The following WWOX variants were observed in gnomAD, a reference collection of about 807,000 sequenced individuals.
WWOX encodes the protein WW domain containing oxidoreductase, also known as WW domain-containing oxidoreductase.
In WWOX, 69 loss-of-function variants were observed where a neutral mutation model predicts 46.2. That is an observed-to-expected ratio of 1.49 (90% CI 1.23 to 1.82). The LOEUF (loss-of-function observed/expected upper bound fraction) is 1.82. WWOX is among the 40% of genes most tolerant of loss of function. The probability of loss-of-function intolerance (pLI) is 0.00; values close to 1 mark genes in which losing one functional copy is unlikely to be tolerated. For missense variants in WWOX, 919 were observed against 542.6 expected, an observed-to-expected ratio of 1.69 and a Z score of -6.89; for synonymous variants, 359 against 202.6, an observed-to-expected ratio of 1.77 and a Z score of -6.56.
intron 5 of WWOX, among the ~76,000 whole-genome samples, chr16:78,204,679 C>A (rs2036336689): frequency 1.3e-5 from 2 of 152,122 alleles, no homozygotes; most frequent in African/African-American, 2.4e-5. Context: ...CATTCTGTTG[C>A]CATCTGCATC....
At chr16:78,452,905 C>T (rs919258125) in intron 8 of WWOX, among the ~76,000 whole-genome samples, 1 of 129,776 alleles carries the variant, frequency 7.7e-6, no homozygotes, top group Non-Finnish European at 1.6e-5. Flanking sequence ...GGGAATCTTA[C>T]TCTGTTGCCC....
At chr16:79,053,994 G>GA (rs35728336) in intron 8 of WWOX, among the ~76,000 whole-genome samples, 72,760 of 149,740 alleles carry the variant, frequency 0.49, 17,707 homozygotes, top group Admixed American at 0.53. Flanking sequence ...AGGAGAGAGG[G>GA]AAAAAAAAAA....
At position 78,883,951 on chromosome 16, in the gene WWOX, T is replaced by C. The variant is rs116336926; in HGVS notation, c.1057-327657T>C. ...ACCATTTTGGAAGACTTGATTTACA[T>C]AGGATCAAATATAAGTATATCTGAT... On this transcript the variant is annotated intron_variant, in intron 8 of 8. Coordinates refer to ENST00000566780, the MANE Select transcript of WWOX (RefSeq NM_016373.4). Among the ~76,000 whole-genome samples the C allele has an allele frequency of 9.4e-3, 1,431 of 152,248 alleles. 19 individuals are homozygous for C. The highest frequency in any genetic ancestry group is 0.033 in the African/African-American group (1,369 of 41,550).
At chr16:78,772,151 C>G (rs2050079768) in intron 8 of WWOX, among the ~76,000 whole-genome samples, 1 of 152,126 alleles carries the variant, frequency 6.6e-6, no homozygotes. Flanking sequence ...AGGTAATAAG[C>G]CTTGTATCCA....
chr16:78,509,353 C>T (rs987916201), intron 8 of WWOX, among the ~76,000 whole-genome samples: 19 of 151,852 alleles, frequency 1.3e-4, no homozygotes, highest in African/African-American at 4.1e-4. Flanking sequence ...GGCAGGAACT[C>T]GCTTGAACCC....
rs1344942768 is a variant in WWOX at position 79,102,558 on chromosome 16, C to G, written c.1057-109050C>G. ...AAACCCTTCTTTGAAGGAAATCATACTTTGAAGCTCAATATATAGCAAACG... is the reference window on the plus strand; with the variant it reads ...AAACCCTTCTTTGAAGGAAATCATAGTTTGAAGCTCAATATATAGCAAACG... On this transcript the variant is annotated intron_variant, in intron 8 of 8. Coordinates refer to ENST00000566780, the MANE Select transcript of WWOX (RefSeq NM_016373.4). 4.6e-5 allele frequency among the ~76,000 whole-genome samples: 7 copies of G among 152,158 alleles called. No homozygotes were observed. In the East Asian group the frequency reaches 1.3e-3, roughly 29 times the overall value.
At chr16:78,271,828 A>G (rs1303013291) in intron 5 of WWOX, among the ~76,000 whole-genome samples, 1 of 152,200 alleles carries the variant, frequency 6.6e-6, no homozygotes, top group Non-Finnish European at 1.5e-5. Context: ...GAGGTAGGGT[A>G]GGACATTTTG....
intron 5 of WWOX, among the ~76,000 whole-genome samples, chr16:78,213,546 A>C (rs776972571): frequency 5.3e-5 from 8 of 151,954 alleles, no homozygotes; most frequent in Non-Finnish European, 7.4e-5. Flanking sequence ...AATGGCATCT[A>C]TTTTTAATGT....
At chr16:79,019,157 CAAAAAAAAAAAAA>C (rs903333994) in intron 8 of WWOX, among the ~76,000 whole-genome samples, 5 of 24,576 alleles carry the variant, frequency 2.0e-4, no homozygotes, top group South Asian at 3.9e-3. Flanking sequence ...GACCTTGTCT[CAAAAAAAAAAAAA>C]AAAAAAAAAA....
At chr16:79,052,130 C>G (rs922512120) in intron 8 of WWOX, among the ~76,000 whole-genome samples, 1 of 151,764 alleles carries the variant, frequency 6.6e-6, no homozygotes, top group African/African-American at 2.4e-5. Flanking sequence ...TGCTGGTGCG[C>G]TGCACCCACT....
intron 8 of WWOX, among the ~76,000 whole-genome samples, chr16:78,675,133 G>A (rs937148839): frequency 2.0e-5 from 3 of 152,148 alleles, no homozygotes; most frequent in Non-Finnish European, 4.4e-5. Flanking sequence ...CCTCATATTG[G>A]ATCCTCAAAA....
At position 78,936,343 on chromosome 16, in the gene WWOX, G is replaced by A. The variant is rs993931158; in HGVS notation, c.1057-275265G>A. 5.3e-5 allele frequency among the ~76,000 whole-genome samples: 8 copies of A among 152,246 alleles called. No homozygotes were observed. In the South Asian group the frequency reaches 1.7e-3, roughly 32 times the overall value. ...AAGCGAGTTTTCCCTGGACTTATCT[G>A]GAATGACTCTGAACCTTTTGAAGAC... On this transcript the variant is annotated intron_variant, in intron 8 of 8. Coordinates refer to ENST00000566780, the MANE Select transcript of WWOX (RefSeq NM_016373.4).
intron 6 of WWOX, among the ~76,000 whole-genome samples, chr16:78,422,660 C>CATAT (rs1388283094): frequency 1.5e-4 from 1 of 6,526 alleles, no homozygotes; most frequent in Admixed American, 2.4e-3. Flanking sequence ...GTTTTTTTTA[C>CATAT]ATGTATATAT....
chr16:79,123,664 C>T lies in WWOX; in HGVS notation c.1057-87944C>T, dbSNP rs575651279. On this transcript the variant is annotated intron_variant, in intron 8 of 8. Coordinates refer to ENST00000566780, the MANE Select transcript of WWOX (RefSeq NM_016373.4). ...CCAGGCTTTTTCCCTATTTCTTTCTCACCCACAGCCAATTGCAATCTGGAC... is the reference window on the plus strand; with the variant it reads ...CCAGGCTTTTTCCCTATTTCTTTCTTACCCACAGCCAATTGCAATCTGGAC... 3.3e-5 allele frequency among the ~76,000 whole-genome samples: 5 copies of T among 152,234 alleles called. No individual in the cohort carries two copies. In the East Asian group the frequency reaches 7.7e-4, roughly 24 times the overall value.
chr16:78,696,819 A>G (rs1338479715), intron 8 of WWOX, among the ~76,000 whole-genome samples: 1 of 151,612 alleles, frequency 6.6e-6, no homozygotes, highest in Non-Finnish European at 1.5e-5. Flanking sequence ...CCCTTTTACC[A>G]CTCTTTCCCT....
intron 8 of WWOX, among the ~76,000 whole-genome samples, chr16:78,732,138 A>G (rs1268339496): frequency 6.6e-6 from 1 of 152,154 alleles, no homozygotes; most frequent in Non-Finnish European, 1.5e-5. Context: ...TGCTGGGATT[A>G]CAGGTGTGAG....
At chr16:78,770,709 A>G (rs1467081279) in intron 8 of WWOX, among the ~76,000 whole-genome samples, 3 of 104,432 alleles carry the variant, frequency 2.9e-5, no homozygotes, top group Admixed American at 2.9e-4. Context: ...CCCCTATGGG[A>G]GCTTCGCACC....
chr16:78,605,694 T>C (rs1272650698), intron 8 of WWOX, among the ~76,000 whole-genome samples: 1 of 152,196 alleles, frequency 6.6e-6, no homozygotes, highest in African/African-American at 2.4e-5. Flanking sequence ...GCATAGTTCT[T>C]TGTCATATTC....
intron 8 of WWOX, among the ~76,000 whole-genome samples, chr16:78,852,085 CTCTCA>C (rs967477054): frequency 9.2e-5 from 14 of 152,152 alleles, no homozygotes; most frequent in African/African-American, 3.1e-4. Context: ...ACTTTTCATT[CTCTCA>C]TCTCATTCAT....
Sources: gnomAD v4.1 joint callset for allele counts (sites outside exome capture counted in the v4.1 genomes callset) on GRCh38, gnomAD v4.1.1 for gene constraint, MANE v1.5 for transcripts, NCBI Gene and HGNC (gene_info 2026-07-23, HGNC 2026-07-21) for gene names.